The following NBAS variants were observed in gnomAD, a reference collection of about 807,000 sequenced individuals.
The protein encoded by NBAS is NBAS subunit of NRZ tethering complex, also known as NAG/BC035112 fusion.
Under a neutral mutation model 302.5 loss-of-function variants are expected in NBAS, and 219 were observed. The ratio of observed to expected loss-of-function variants is 0.72; its 90% confidence interval spans 0.65 to 0.81. The LOEUF (loss-of-function observed/expected upper bound fraction) is 0.81. Among genes scored for constraint, NBAS ranks in the 30% least tolerant of loss-of-function variants. The pLI is 0.00. For synonymous variants in NBAS, 1,118 were observed against 1,021.6 expected, an observed-to-expected ratio of 1.09 and a Z score of -1.80; for missense variants, 2,932 against 2,841.6, an observed-to-expected ratio of 1.03 and a Z score of -0.72.
the NBAS span, among the ~76,000 whole-genome samples, chr2:15,010,236 C>G: frequency 1.3e-5 from 2 of 151,904 alleles, no homozygotes; most frequent in African/African-American, 4.8e-5. Flanking sequence ...ATTATAAACC[C>G]AGGAAGCACA....
chr2:15,294,702 CCAGTTGTAAAGACAG>C lies in NBAS; in HGVS notation c.4798-1951_4798-1937del, dbSNP rs543927568. 4.3e-4 allele frequency among the ~76,000 whole-genome samples: 66 copies of C among 152,258 alleles called. 1 individual carries two copies. The South Asian group carries it at 7.9e-3, about 18-fold the overall frequency. On this transcript the variant is annotated intron_variant, in intron 40 of 51. Coordinates refer to ENST00000281513, the MANE Select transcript of NBAS (RefSeq NM_015909.4). ...CCTCATCTGATTTGCACTTTTCTTC[CCAGTTGTAAAGACAG>C]CAAGACCAAATATCCAATGATCATG...
the NBAS span, among the ~76,000 whole-genome samples, chr2:15,081,457 A>T: frequency 1.3e-5 from 2 of 152,114 alleles, no homozygotes; most frequent in African/African-American, 4.8e-5. Flanking sequence ...ACATTTACTT[A>T]CTATGATTTT....
chr2:15,127,019 CCCTCTAAAG>C, the NBAS span, among the ~76,000 whole-genome samples: 7 of 152,186 alleles, frequency 4.6e-5, no homozygotes, highest in African/African-American at 7.2e-5. Context: ...ACATCTTGGT[CCCTCTAAAG>C]CCTCGGAATG....
the NBAS span, among the ~76,000 whole-genome samples, chr2:15,132,638 G>C: frequency 1.3e-5 from 2 of 152,130 alleles, no homozygotes; most frequent in Non-Finnish European, 2.9e-5. Context: ...CCAAATTGTA[G>C]CAAATGTGCA....
chr2:15,503,749 T>C (rs1661697688), intron 11 of NBAS, among the ~76,000 whole-genome samples: 1 of 152,160 alleles, frequency 6.6e-6, no homozygotes, highest in South Asian at 2.1e-4. Flanking sequence ...ATCTCAGATT[T>C]GGGGAAGAAT....
At chr2:15,202,876 G>T (rs1326900593) in intron 48 of NBAS, among the ~76,000 whole-genome samples, 2 of 152,072 alleles carry the variant, frequency 1.3e-5, no homozygotes, top group Non-Finnish European at 2.9e-5. Context: ...TGAAACTAAG[G>T]CCATACTTTG....
the NBAS span, among the ~76,000 whole-genome samples, chr2:14,840,798 A>C: frequency 2.0e-5 from 3 of 152,126 alleles, no homozygotes; most frequent in Non-Finnish European, 4.4e-5. Context: ...CTCAATTTGA[A>C]AGAAAAGAAA....
chr2:14,845,042 A>G, the NBAS span, among the ~76,000 whole-genome samples: 1 of 152,170 alleles, frequency 6.6e-6, no homozygotes, highest in Non-Finnish European at 1.5e-5. Flanking sequence ...GTAAAGCCCT[A>G]GGGCCATGAG....
chr2:15,431,328 G>A (rs566326970), intron 21 of NBAS, among the ~76,000 whole-genome samples: 2 of 152,248 alleles, frequency 1.3e-5, no homozygotes, highest in African/African-American at 4.8e-5. Flanking sequence ...CTTCCAGGAT[G>A]TTTCTACAAA....
intron 31 of NBAS, 103 bp downstream of exon 31, chr2:15,374,505 T>C (rs558498754): frequency 1.0e-6 from 1 of 977,888 alleles, no homozygotes; most frequent in South Asian, 1.3e-5. Context: ...GCTAATGGAT[T>C]ACATGACCAA....
chr2:15,110,173 T>A, the NBAS span, among the ~76,000 whole-genome samples: 2 of 152,178 alleles, frequency 1.3e-5, no homozygotes, highest in East Asian at 3.9e-4. Context: ...GGAAGTCACC[T>A]GAGAGCTCAG....
intron 21 of NBAS, among the ~76,000 whole-genome samples, chr2:15,447,704 G>C (rs1190559851): frequency 1.3e-5 from 2 of 152,136 alleles, no homozygotes; most frequent in East Asian, 3.9e-4. Flanking sequence ...TAGTAATTTG[G>C]AAACTCAGGT....
intron 28 of NBAS, among the ~76,000 whole-genome samples, chr2:15,392,755 GGT>G (rs1675671310): frequency 6.6e-6 from 1 of 151,686 alleles, no homozygotes. Context: ...TGAAGAAATT[GGT>G]AAGCTTATTC....
At chr2:14,861,681 G>T in the NBAS span, among the ~76,000 whole-genome samples, 2 of 152,054 alleles carry the variant, frequency 1.3e-5, no homozygotes, top group Non-Finnish European at 2.9e-5. Context: ...TTTTACTGTT[G>T]GGCTTAAAAT....
the NBAS span, among the ~76,000 whole-genome samples, chr2:14,909,306 C>T: frequency 2.8e-5 from 3 of 107,518 alleles, no homozygotes; most frequent in South Asian, 5.4e-4. Context: ...GGTGACAGAG[C>T]GAGACTCCGT....
chr2:15,315,444 G>T (rs1671464414), intron 38 of NBAS, among the ~76,000 whole-genome samples: 1 of 152,124 alleles, frequency 6.6e-6, no homozygotes, highest in Non-Finnish European at 1.5e-5. Flanking sequence ...AAAATGCTGG[G>T]GAAGAAAAAT....
At chr2:15,446,407 G>A (rs1047989667) in intron 21 of NBAS, among the ~76,000 whole-genome samples, 1 of 152,098 alleles carries the variant, frequency 6.6e-6, no homozygotes, top group African/African-American at 2.4e-5. Context: ...TAGCTCCAAC[G>A]AGGTACTAAA....
chr2:15,502,433 T>C (rs1217338065), intron 11 of NBAS, among the ~76,000 whole-genome samples: 1 of 152,330 alleles, frequency 6.6e-6, no homozygotes, highest in East Asian at 1.9e-4. Flanking sequence ...ACATCATACA[T>C]AACAGTGCAG....
At chr2:15,199,069 G>A (rs1393905856) in intron 48 of NBAS, among the ~76,000 whole-genome samples, 2 of 147,956 alleles carry the variant, frequency 1.4e-5, no homozygotes, top group Non-Finnish European at 3.0e-5. Context: ...AGAGCTTGCA[G>A]TGAGCTGAGA....
Sources: allele counts gnomAD v4.1 joint callset (sites outside exome capture counted in the v4.1 genomes callset), GRCh38; gene constraint gnomAD v4.1.1; transcripts MANE v1.5; gene names NCBI Gene and HGNC (gene_info 2026-07-23, HGNC 2026-07-21).